The following STAT3 variants were observed in gnomAD, a reference collection of about 807,000 sequenced individuals.
STAT3 encodes the protein DNA-binding protein APRF.
In STAT3, 7 loss-of-function variants were observed where a neutral mutation model predicts 114.3. The observed-to-expected ratio is 0.06, with a 90% confidence interval of 0.03 to 0.11. The LOEUF is 0.11. Ranked by LOEUF, STAT3 falls within the 10% of genes least tolerant of loss-of-function variation. STAT3 has a pLI of 1.00. For synonymous variants in STAT3, 331 were observed against 354.5 expected (o/e 0.93, Z 0.74); for missense variants, 364 against 960.9 (o/e 0.38, Z 8.21).
chr17:42,359,137 G>C (rs1415403791), intron 1 of STAT3, among the ~76,000 whole-genome samples: 1 of 151,928 alleles, frequency 6.6e-6, no homozygotes, highest in East Asian at 1.9e-4. Context: ...GGGTTTCATC[G>C]TGTTAGCCAG....
chr17:42,373,067 C>A (rs2084243322), intron 1 of STAT3, among the ~76,000 whole-genome samples: 1 of 152,096 alleles, frequency 6.6e-6, no homozygotes, highest in African/African-American at 2.4e-5. Context: ...AAAATAAAGT[C>A]TAGACTGGCC....
chr17:42,362,788 G>A (rs1185446640), intron 1 of STAT3, among the ~76,000 whole-genome samples: 1 of 152,140 alleles, frequency 6.6e-6, no homozygotes, highest in Non-Finnish European at 1.5e-5. Flanking sequence ...TAGCATGACC[G>A]ACATCCTGGC....
At chr17:42,316,636 A>C (rs2081261486) in intron 23 of STAT3, 153 bp downstream of exon 23, 1 of 1,532,758 alleles carries the variant, frequency 6.5e-7, no homozygotes, top group Non-Finnish European at 8.8e-7. Context: ...TTATACTCAC[A>C]CATGTGGCAT....
intron 1 of STAT3, among the ~76,000 whole-genome samples, chr17:42,372,298 C>T (rs1189407254): frequency 6.6e-6 from 1 of 152,108 alleles, no homozygotes; most frequent in Non-Finnish European, 1.5e-5. Context: ...TGGAAGCAAC[C>T]AAGATGTCTA....
intron 21 of STAT3, among the ~76,000 whole-genome samples, chr17:42,321,273 CCA>C (rs1386973171): frequency 6.6e-6 from 1 of 151,634 alleles, no homozygotes; most frequent in East Asian, 1.9e-4. Flanking sequence ...GCACAAACCA[CCA>C]CACGTGGCTA....
At position 42,323,249 on chromosome 17, in the gene STAT3, G is replaced by A. The variant is rs775964698; in HGVS notation, c.1748+11C>T. 2.5e-6 allele frequency: 4 copies of A among 1,614,172 alleles called. No individual in the cohort carries two copies. The highest frequency in any genetic ancestry group is 3.4e-6 in the Non-Finnish European group (4 of 1,180,024). On this transcript the variant is annotated intron_variant, in intron 19 of 23. Coordinates refer to ENST00000264657, the MANE Select transcript of STAT3 (RefSeq NM_139276.3). ...ACTTGGTTACATCTGTGCACACTCTGTCCAACCTACCCTTCGTTCCAAAGG... is the reference window on the plus strand; with the variant it reads ...ACTTGGTTACATCTGTGCACACTCTATCCAACCTACCCTTCGTTCCAAAGG...
chr17:42,361,309 C>T (rs1021915716), intron 1 of STAT3, among the ~76,000 whole-genome samples: 1 of 151,938 alleles, frequency 6.6e-6, no homozygotes, highest in Non-Finnish European at 1.5e-5. Flanking sequence ...TGTGAAAGCC[C>T]ACCTCTACTA....
Position 42,343,225 on chromosome 17 carries a change from G to A in STAT3, c.372+2334C>T, listed in dbSNP as rs557851333. On this transcript the variant is annotated intron_variant, in intron 4 of 23. Transcript: ENST00000264657. ...AGGTAAATTTGAAATGTAATGTTATGTGTATTTCACCACAATTTTTTAAAA... is the reference window on the plus strand; with the variant it reads ...AGGTAAATTTGAAATGTAATGTTATATGTATTTCACCACAATTTTTTAAAA... Among the ~76,000 whole-genome samples the A allele has an allele frequency of 2.9e-4, 44 of 149,560 alleles. 1 individual carries two copies. The highest frequency in any genetic ancestry group is 9.5e-4 in the African/African-American group (39 of 40,842).
chr17:42,334,439 C>CTTT (rs56055491), intron 8 of STAT3, among the ~76,000 whole-genome samples: 17 of 70,210 alleles, frequency 2.4e-4, no homozygotes, highest in African/African-American at 4.3e-4. Context: ...TGCGCCTGGC[C>CTTT]TTTTTTTTTT....
chr17:42,356,455 C>T (rs568307386), intron 1 of STAT3, among the ~76,000 whole-genome samples: 25 of 148,428 alleles, frequency 1.7e-4, no homozygotes, highest in Admixed American at 6.7e-4. Context: ...ACCCTGTCTC[C>T]GAAAAAATAA....
intron 1 of STAT3, among the ~76,000 whole-genome samples, chr17:42,383,012 T>A (rs1274208225): frequency 1.3e-5 from 2 of 152,112 alleles, no homozygotes; most frequent in Non-Finnish European, 2.9e-5. Flanking sequence ...TTCTTCCATA[T>A]GTTATTCCCA....
At position 42,366,569 on chromosome 17, in the gene STAT3, G is replaced by A. The variant is rs562840291; in HGVS notation, c.-23-18030C>T. Among the ~76,000 whole-genome samples the A allele has an allele frequency of 2.6e-5, 4 of 151,846 alleles. No individual in the cohort carries two copies. In the East Asian group the frequency reaches 7.8e-4, roughly 29 times the overall value. On this transcript the variant is annotated intron_variant, in intron 1 of 23. Transcript: ENST00000264657. Reference sequence around the variant, plus strand: ...GCCTGTGATCCCAGCTACTTGGGAGGCTGAGGTGGGGGTATCACTTGAGCC... The same window carrying A: ...GCCTGTGATCCCAGCTACTTGGGAGACTGAGGTGGGGGTATCACTTGAGCC...
Position 42,313,379 on chromosome 17 carries a change from C to CAAA in STAT3, c.*2363_*2365dup, listed in dbSNP as rs397857989. On this transcript the variant is annotated 3_prime_UTR_variant, in exon 24 of 24. Transcript: ENST00000264657. ...AGTTAAAGTAGATACAGCAATATAC[C>CAAA]AAAAAAAAAAAAAAAAAAAAAAGAC... is the stretch of plus-strand genomic sequence containing the variant. 17 of 86,286 alleles carry CAAA rather than the reference C, an allele frequency of 2.0e-4. No individual in the cohort carries two copies. Among genetic ancestry groups the CAAA allele is most frequent in the South Asian group, 5.6e-4 (1 of 1,796 alleles). 5.3% of individuals were successfully genotyped at this position (86,286 alleles called of 1,614,324 possible). A position where few individuals can be genotyped will look rare whatever the true frequency, so the allele number is the denominator to read the frequency against.
intron 1 of STAT3, among the ~76,000 whole-genome samples, chr17:42,382,267 TCTTA>T (rs1446035917): frequency 6.6e-6 from 1 of 152,228 alleles, no homozygotes; most frequent in Non-Finnish European, 1.5e-5. Flanking sequence ...TTTACCGAGC[TCTTA>T]CTATGTGCCA....
intron 21 of STAT3, among the ~76,000 whole-genome samples, chr17:42,319,363 G>A (rs1022105990): frequency 3.3e-5 from 5 of 151,742 alleles, no homozygotes; most frequent in Admixed American, 1.3e-4. Context: ...CCAACAGGGT[G>A]AAACCCGGTC....
At chr17:42,316,470 C>T (rs773296241) in intron 23 of STAT3, 42 of 481,348 alleles carry the variant, frequency 8.7e-5, no homozygotes, top group South Asian at 1.7e-4. Context: ...CCACCCACCT[C>T]GGCCTCCCAA....
chr17:42,320,485 T>C (rs2081425990), intron 21 of STAT3, among the ~76,000 whole-genome samples: 1 of 152,080 alleles, frequency 6.6e-6, no homozygotes, highest in South Asian at 2.1e-4. Flanking sequence ...ATCCCAGCAC[T>C]TTGGGAGGCT....
Position 42,315,455 on chromosome 17 carries a change from A to G in STAT3, c.*290T>C. 7.3e-6 allele frequency: 4 copies of G among 547,884 alleles called. No homozygotes were observed. The South Asian group carries it at 8.2e-5, about 11-fold the overall frequency. 33.9% of individuals were successfully genotyped at this position (547,884 alleles called of 1,614,324 possible). A position where few individuals can be genotyped will look rare whatever the true frequency, so the allele number is the denominator to read the frequency against. On this transcript the variant is annotated 3_prime_UTR_variant, in exon 24 of 24. Coordinates refer to ENST00000264657, the MANE Select transcript of STAT3 (RefSeq NM_139276.3). ...GGGCAGGGGAACAAAACAACACAAGACATTTCCTTTTTCTCCCTCTAGCCA... is the reference window on the plus strand; with the variant it reads ...GGGCAGGGGAACAAAACAACACAAGGCATTTCCTTTTTCTCCCTCTAGCCA...
At position 42,366,507 on chromosome 17, in the gene STAT3, C is replaced by T. The variant is rs144963524; in HGVS notation, c.-23-17968G>A. 1.1e-4 allele frequency among the ~76,000 whole-genome samples: 17 copies of T among 151,972 alleles called. 2 individuals are homozygous for T. Among genetic ancestry groups the T allele is most frequent in the African/African-American group, 2.2e-4 (9 of 41,446 alleles). On this transcript the variant is annotated intron_variant, in intron 1 of 23. Coordinates refer to ENST00000264657, the MANE Select transcript of STAT3 (RefSeq NM_139276.3). ...GCAACATGGCAAAACCCTGTCTCTA[C>T]GAAATATACAAAAATTAGCCGGATA...
Sources: gnomAD v4.1 joint callset for allele counts (sites outside exome capture counted in the v4.1 genomes callset) on GRCh38, gnomAD v4.1.1 for gene constraint, MANE v1.5 for transcripts, NCBI Gene and HGNC (gene_info 2026-07-23, HGNC 2026-07-21) for gene names.